MMS22L: variants seen among roughly 807,000 people sequenced by gnomAD.
MMS22L encodes the protein protein MMS22-like.
A neutral mutation model predicts 159.1 loss-of-function variants in MMS22L; 74 were observed. That is an observed-to-expected ratio of 0.47 (90% CI 0.39 to 0.56). MMS22L has a LOEUF of 0.56. Ranked by LOEUF, MMS22L falls within the 20% of genes least tolerant of loss-of-function variation. The probability of loss-of-function intolerance (pLI) is 0.00; values close to 1 mark genes in which losing one functional copy is unlikely to be tolerated. For synonymous variants in MMS22L, 517 were observed against 506.9 expected, an observed-to-expected ratio of 1.02 and a Z score of -0.27; for missense variants, 1,351 against 1,422.1, an observed-to-expected ratio of 0.95 and a Z score of 0.80.
chr6:97,264,920 T>C (rs1277478200), intron 8 of MMS22L: 1 of 152,098 alleles, frequency 6.6e-6, no homozygotes, highest in Non-Finnish European at 1.5e-5. Flanking sequence ...AGAAAAAATA[T>C]CTTGTGGTCA....
intron 23 of MMS22L, 113 bp downstream of exon 23, chr6:97,151,658 C>A: frequency 1.3e-6 from 1 of 797,876 alleles, no homozygotes. Context: ...AATTGAAATA[C>A]TATAAACAAG....
intron 14 of MMS22L, among the ~76,000 whole-genome samples, chr6:97,215,114 A>ATATATATATATATATATATATATTTTT (rs1209431095): frequency 1.1e-5 from 1 of 87,190 alleles, no homozygotes; most frequent in African/African-American, 3.5e-5. Flanking sequence ...ATATATATAT[A>ATATATATATATATATATATATATTTTT]TTTTTTTTTT....
intron 3 of MMS22L, 80 bp downstream of exon 3, chr6:97,281,157 A>G (rs1816723298): frequency 3.8e-6 from 5 of 1,329,086 alleles, no homozygotes; most frequent in Non-Finnish European, 5.1e-6. Context: ...TTGTAATATC[A>G]GTATTAGAAG....
chr6:97,159,224 G>A (rs1582395572), intron 22 of MMS22L, among the ~76,000 whole-genome samples: 1 of 150,256 alleles, frequency 6.7e-6, no homozygotes, highest in East Asian at 2.0e-4. Context: ...CTTGAATACT[G>A]CACATTGATA....
intron 14 of MMS22L, among the ~76,000 whole-genome samples, chr6:97,214,134 T>C (rs933476286): frequency 6.6e-6 from 1 of 152,092 alleles, no homozygotes; most frequent in African/African-American, 2.4e-5. Flanking sequence ...ATCAAACAAG[T>C]CTATGAAGAT....
intron 14 of MMS22L, among the ~76,000 whole-genome samples, chr6:97,202,875 A>G (rs1393069676): frequency 1.3e-5 from 2 of 152,206 alleles, no homozygotes; most frequent in Non-Finnish European, 2.9e-5. Context: ...TTAAAGAACT[A>G]TACTACTAAT....
chr6:97,212,784 G>A (rs143883215), intron 14 of MMS22L, among the ~76,000 whole-genome samples: 4 of 152,144 alleles, frequency 2.6e-5, no homozygotes, highest in Admixed American at 1.3e-4. Flanking sequence ...TCACACATAC[G>A]AAATGACTGA....
chr6:97,151,088 C>T (rs374952604), intron 23 of MMS22L, among the ~76,000 whole-genome samples: 1 of 152,084 alleles, frequency 6.6e-6, no homozygotes, highest in Non-Finnish European at 1.5e-5. Context: ...ATGGATCCAG[C>T]GGAACATGTT....
rs1257345875 is a variant in MMS22L, at chr6:97,215,355, A to G, written c.2039+13539T>C. Among the ~76,000 whole-genome samples, 3 of 152,166 alleles carry G rather than the reference A, an allele frequency of 2.0e-5. No individual in the cohort carries two copies. In the East Asian group the frequency reaches 5.8e-4, roughly 29 times the overall value. ...GATGACACTGTTCTCTAATCCAGCC[A>G]AAGCTGATAAGTACCATCAACCTGT... On this transcript the variant is annotated intron_variant, in intron 14 of 24. Coordinates refer to ENST00000683635, the MANE Select transcript of MMS22L (RefSeq NM_001350599.2).
At chr6:97,161,222 G>C (rs1802399365) in intron 22 of MMS22L, among the ~76,000 whole-genome samples, 1 of 151,996 alleles carries the variant, frequency 6.6e-6, no homozygotes, top group Non-Finnish European at 1.5e-5. Flanking sequence ...CTTCTGAGGT[G>C]ATGTAACCTC....
At chr6:97,180,983 CCTAAGAGGA>C (rs1804646246) in intron 16 of MMS22L, among the ~76,000 whole-genome samples, 1 of 152,054 alleles carries the variant, frequency 6.6e-6, no homozygotes, top group South Asian at 2.1e-4. Flanking sequence ...AATACACAGG[CCTAAGAGGA>C]CTAAGATCTC....
At chr6:97,153,557 G>T (rs1801542450) in intron 22 of MMS22L, among the ~76,000 whole-genome samples, 1 of 151,926 alleles carries the variant, frequency 6.6e-6, no homozygotes, top group Non-Finnish European at 1.5e-5. Context: ...TTTTAGAAAA[G>T]ATGTGGTTTC....
chr6:97,272,606 A>C, intron 6 of MMS22L, 98 bp downstream of exon 6: 2 of 1,088,654 alleles, frequency 1.8e-6, no homozygotes, highest in Non-Finnish European at 1.3e-6. Context: ...GTCAGGTTCC[A>C]GAGCTGTAAT....
intron 15 of MMS22L, among the ~76,000 whole-genome samples, chr6:97,186,187 T>C (rs1296572864): frequency 6.6e-6 from 1 of 152,212 alleles, no homozygotes; most frequent in South Asian, 2.1e-4. Flanking sequence ...CTCATACAAT[T>C]TGAAAATAAA....
At position 97,233,949 on chromosome 6, in the gene MMS22L, T is replaced by C. The variant is rs1262015570; in HGVS notation, c.1214A>G (p.Tyr405Cys). 1.9e-6 allele frequency: 3 copies of C among 1,610,162 alleles called. No individual in the cohort carries two copies. The highest frequency in any genetic ancestry group is 2.7e-5 in the African/African-American group (2 of 74,786). ...ACAAAGTGTCAAACAACAGTGAAGA[T>C]ACATTCGTAATTGTTCTTCTAGAAT... ...GVILEEQLRM[Y>C]LHCCLTLCDF... is the part of the protein sequence containing the mutation. Residue 405 changes from tyrosine (Y) to cysteine (C), a missense_variant, in exon 12 of 25, where the codon TAT becomes TGT. Coordinates refer to ENST00000683635, the MANE Select transcript of MMS22L (RefSeq NM_001350599.2).
chr6:97,191,899 C>CA (rs1805904331), intron 14 of MMS22L, among the ~76,000 whole-genome samples: 1 of 152,002 alleles, frequency 6.6e-6, no homozygotes, highest in African/African-American at 2.4e-5. Context: ...GGAAGTTATC[C>CA]AAAAAATCAT....
chr6:97,283,851 T>C (rs1274569409), upstream of MMS22L, among the ~76,000 whole-genome samples: 2 of 152,236 alleles, frequency 1.3e-5, no homozygotes, highest in Non-Finnish European at 2.9e-5. Context: ...ACAAAGTGTA[T>C]AGTCTGATCA....
At chr6:97,248,689 G>A (rs556873755) in intron 10 of MMS22L, among the ~76,000 whole-genome samples, 57 of 152,004 alleles carry the variant, frequency 3.7e-4, no homozygotes, top group African/African-American at 1.4e-3. Flanking sequence ...GTGAAACCCC[G>A]TCTCTACTAA....
intron 14 of MMS22L, among the ~76,000 whole-genome samples, chr6:97,192,211 T>C (rs1805956832): frequency 6.6e-6 from 1 of 151,608 alleles, no homozygotes; most frequent in Non-Finnish European, 1.5e-5. Context: ...GATGGATGGA[T>C]GAATGAATGA....
Sources: allele counts gnomAD v4.1 joint callset (sites outside exome capture counted in the v4.1 genomes callset), GRCh38; gene constraint gnomAD v4.1.1; transcripts MANE v1.5; gene names NCBI Gene and HGNC (gene_info 2026-07-23, HGNC 2026-07-21).